The following DSCAM variants were observed in gnomAD, a reference collection of about 807,000 sequenced individuals.
DSCAM encodes cell adhesion molecule DSCAM.
Under a neutral mutation model 217.7 loss-of-function variants are expected in DSCAM, and 47 were observed. That is an observed-to-expected ratio of 0.22 (90% CI 0.17 to 0.28). DSCAM has a LOEUF of 0.28. Ranked by LOEUF, DSCAM falls within the 10% of genes least tolerant of loss-of-function variation. The probability of loss-of-function intolerance (pLI) is 1.00; values close to 1 mark genes in which losing one functional copy is unlikely to be tolerated. For missense variants in DSCAM, 2,080 were observed against 2,618.3 expected (o/e 0.79, Z 4.49); for synonymous variants, 1,056 against 1,015.3 (o/e 1.04, Z -0.76).
intron 20 of DSCAM, among the ~76,000 whole-genome samples, chr21:40,097,129 CAT>C (rs1330217687): frequency 6.6e-6 from 1 of 151,856 alleles, no homozygotes; most frequent in Non-Finnish European, 1.5e-5. Context: ...TATACAGATA[CAT>C]ATATATGGTA....
chr21:40,674,383 A>G (rs2090312204), intron 3 of DSCAM, among the ~76,000 whole-genome samples: 1 of 152,174 alleles, frequency 6.6e-6, no homozygotes, highest in South Asian at 2.1e-4. Context: ...CCAATTGCTC[A>G]TGTTTAAACA....
intron 16 of DSCAM, among the ~76,000 whole-genome samples, chr21:40,147,411 C>A (rs1474492): frequency 0.74 from 111,856 of 152,142 alleles, 41,459 homozygotes; most frequent in South Asian, 0.84. Context: ...ACTAGCTTAA[C>A]TATAATAGAC....
In DSCAM at chr21:40,846,621, T is replaced by G; in HGVS notation, c.41A>C (p.Asn14Thr). The G allele has an allele frequency of 4.8e-6, 6 of 1,246,318 alleles. No homozygotes were observed. Among genetic ancestry groups the G allele is most frequent in the East Asian group, 4.8e-5 (1 of 20,896 alleles). The allele number at this position is 1,246,318 out of a possible 1,614,324, so 77.2% of individuals were successfully genotyped here. Reference sequence around the variant, plus strand: ...TCATCACAAACCGAAAGGCTCACCATTCGCGAAGCTCTGGAACAAGGAGAG... The same window carrying G: ...TCATCACAAACCGAAAGGCTCACCAGTCGCGAAGCTCTGGAACAAGGAGAG... ...LALSLFQSFA[N>T]VFSEDLHSSL... The change falls in exon 1 of 33, where the codon AAT becomes ACT. Residue 14 changes from asparagine (N) to threonine (T), a missense_variant and splice_region_variant. This residue lies in a region of DSCAM where 568 missense variants were observed against 678.1 expected (regional missense o/e 0.84). Transcript: ENST00000400454.
chr21:40,562,694 A>G (rs78162404), intron 3 of DSCAM, among the ~76,000 whole-genome samples: 32 of 152,348 alleles, frequency 2.1e-4, no homozygotes, highest in Non-Finnish European at 4.7e-4. Context: ...TACAGACCTT[A>G]AACCAGACGC....
At chr21:40,185,633 C>T (rs917092611) in intron 14 of DSCAM, among the ~76,000 whole-genome samples, 3 of 152,236 alleles carry the variant, frequency 2.0e-5, no homozygotes, top group African/African-American at 4.8e-5. Context: ...TCTGTCTGAG[C>T]TCTCATCACT....
chr21:40,583,512 C>G (rs566564761), intron 3 of DSCAM, among the ~76,000 whole-genome samples: 24 of 152,132 alleles, frequency 1.6e-4, no homozygotes, highest in Non-Finnish European at 3.1e-4. Context: ...CCTGTCTCTT[C>G]CCACCCTCAC....
chr21:40,179,113 C>CA lies in DSCAM; in HGVS notation c.2780-20dup. On this transcript the variant is annotated intron_variant, in intron 14 of 32. Transcript: ENST00000400454. The stretch of plus-strand genomic sequence containing the variant: ...CAGGAGTCTTTTGGGTTTTGTTTTT[C>CA]AAAAAAGAAGAGATAGAGACGTGAG... The CA allele has an allele frequency of 1.5e-6, 2 of 1,313,008 alleles. No individual in the cohort carries two copies. The highest frequency in any genetic ancestry group is 2.0e-6 in the Non-Finnish European group (2 of 1,009,526). The allele number at this position is 1,313,008 out of a possible 1,614,324, so 81.3% of individuals were successfully genotyped here.
chr21:40,258,273 A>G (rs572689542), intron 11 of DSCAM, among the ~76,000 whole-genome samples: 1 of 152,272 alleles, frequency 6.6e-6, no homozygotes, highest in East Asian at 1.9e-4. Flanking sequence ...TCCCTCTTGC[A>G]TTTCTTCCTG....
Position 40,399,282 on chromosome 21 carries a change from A to G in DSCAM, c.509-30037T>C, listed in dbSNP as rs867979614. On this transcript the variant is annotated intron_variant, in intron 3 of 32. Transcript: ENST00000400454. ...AAGACCCTGTCTCACAAAACAAAACAAAACAAAACAAAACAAAACAAAACA... is the reference window on the plus strand; with the variant it reads ...AAGACCCTGTCTCACAAAACAAAACGAAACAAAACAAAACAAAACAAAACA... Among the ~76,000 whole-genome samples the G allele has an allele frequency of 9.6e-3, 1,438 of 149,112 alleles. 12 individuals carry two copies. Among genetic ancestry groups the G allele is most frequent in the African/African-American group, 0.027 (1,084 of 40,116 alleles).
chr21:40,841,204 A>G (rs1569063369), intron 1 of DSCAM, among the ~76,000 whole-genome samples: 1 of 152,166 alleles, frequency 6.6e-6, no homozygotes, highest in Admixed American at 6.5e-5. Flanking sequence ...CCTGGTCAGA[A>G]GCTGTCTGAC....
chr21:40,828,658 CTTTTTTTT>C (rs35167327), intron 1 of DSCAM, among the ~76,000 whole-genome samples: 1 of 132,474 alleles, frequency 7.5e-6, no homozygotes, highest in Non-Finnish European at 1.6e-5. Flanking sequence ...ACCCCACCCT[CTTTTTTTT>C]TTTTTTTTTG....
chr21:40,521,288 G>A (rs1402622691), intron 3 of DSCAM, among the ~76,000 whole-genome samples: 1 of 152,130 alleles, frequency 6.6e-6, no homozygotes, highest in African/African-American at 2.4e-5. Context: ...TGAAAGTACT[G>A]GATCATATGG....
At chr21:40,308,264 T>G (rs1904614051) in intron 9 of DSCAM, among the ~76,000 whole-genome samples, 1 of 152,148 alleles carries the variant, frequency 6.6e-6, no homozygotes, top group African/African-American at 2.4e-5. Flanking sequence ...AACTTACTAG[T>G]GGAGAAGTTT....
At chr21:40,391,827 T>C (rs1014440414) in intron 3 of DSCAM, among the ~76,000 whole-genome samples, 2 of 152,238 alleles carry the variant, frequency 1.3e-5, no homozygotes, top group Non-Finnish European at 2.9e-5. Context: ...ATTTTGAGTA[T>C]GGTATGTTGA....
At chr21:40,526,724 C>T (rs886964372) in intron 3 of DSCAM, among the ~76,000 whole-genome samples, 1 of 151,990 alleles carries the variant, frequency 6.6e-6, no homozygotes, top group African/African-American at 2.4e-5. Flanking sequence ...TTGATTGTGG[C>T]ACTCAGTTCA....
chr21:40,224,484 T>C (rs1193399899), intron 11 of DSCAM, among the ~76,000 whole-genome samples: 2 of 152,192 alleles, frequency 1.3e-5, no homozygotes, highest in Non-Finnish European at 2.9e-5. Flanking sequence ...ATCAGAAACA[T>C]AAGAAGTCTG....
intron 3 of DSCAM, among the ~76,000 whole-genome samples, chr21:40,472,950 G>T (rs1255342860): frequency 6.6e-6 from 1 of 152,124 alleles, no homozygotes; most frequent in Non-Finnish European, 1.5e-5. Context: ...TCATATTTTT[G>T]TTGCTAAGGT....
chr21:40,173,360 G>A (rs1367486435), intron 15 of DSCAM, among the ~76,000 whole-genome samples: 1 of 152,186 alleles, frequency 6.6e-6, no homozygotes, highest in Non-Finnish European at 1.5e-5. Flanking sequence ...GAACATTCCA[G>A]AACTGTTCCA....
At chr21:40,338,516 A>G in intron 7 of DSCAM, 140 bp from the exon 8 acceptor site, 1 of 935,110 alleles carries the variant, frequency 1.1e-6, no homozygotes, top group Non-Finnish European at 1.5e-6. Flanking sequence ...ATATTTTTGC[A>G]TGTGGCATTT....
Sources: allele counts gnomAD v4.1 joint callset (sites outside exome capture counted in the v4.1 genomes callset), GRCh38; gene constraint gnomAD v4.1.1; regional missense constraint gnomAD v4.1.1; transcripts MANE v1.5; gene names NCBI Gene and HGNC (gene_info 2026-07-23, HGNC 2026-07-21).